The following C3orf33 variants were observed in gnomAD, a reference collection of about 807,000 sequenced individuals.
The protein encoded by C3orf33 is AP-1 activity suppressor.
C3orf33 carries 23 observed loss-of-function variants against 28.7 expected under a neutral mutation model. That is an observed-to-expected ratio of 0.80 (90% CI 0.58 to 1.13). C3orf33 has a LOEUF of 1.13. C3orf33 is among the 50% of genes most tolerant of loss of function. C3orf33 has a pLI of 0.00. For synonymous variants in C3orf33, 119 were observed against 120.5 expected (o/e 0.99, Z 0.08); for missense variants, 327 against 353.4 (o/e 0.93, Z 0.60).
At chr3:155,769,485 CAAA>C (rs59639224) in intron 3 of C3orf33, among the ~76,000 whole-genome samples, 24 of 84,338 alleles carry the variant, frequency 2.8e-4, no homozygotes, top group East Asian at 1.1e-3. Context: ...GAGACTGTTT[CAAA>C]AAAAAAAAAA....
intron 2 of C3orf33, among the ~76,000 whole-genome samples, chr3:155,799,232 A>G (rs1484998586): frequency 6.6e-6 from 1 of 152,234 alleles, no homozygotes; most frequent in African/African-American, 2.4e-5. Flanking sequence ...AAAACTAAAA[A>G]TAGAAGTACC....
At position 155,772,848 on chromosome 3, in the gene C3orf33, G is replaced by A. The variant is rs144544645; in HGVS notation, c.322+2853C>T. On this transcript the variant is annotated intron_variant, in intron 3 of 4. Coordinates refer to ENST00000340171, the MANE Select transcript of C3orf33 (RefSeq NM_001308229.2). ...CATACATACCAAAAATAAGACAGCC[G>A]AAGGGATAGGTGGCACAGAATTGTC... Among the ~76,000 whole-genome samples the A allele has an allele frequency of 4.1e-3, 603 of 147,126 alleles. 5 individuals are homozygous for A. The highest frequency in any genetic ancestry group is 0.014 in the African/African-American group (560 of 40,252).
intron 2 of C3orf33, among the ~76,000 whole-genome samples, chr3:155,777,595 C>T (rs534965346): frequency 6.6e-6 from 1 of 151,926 alleles, no homozygotes; most frequent in African/African-American, 2.4e-5. Context: ...CACCACTACA[C>T]CTGGTTAATT....
chr3:155,764,913 T>A (rs985368426), intron 4 of C3orf33, among the ~76,000 whole-genome samples: 2 of 152,200 alleles, frequency 1.3e-5, no homozygotes, highest in African/African-American at 4.8e-5. Context: ...ACAATCCTTG[T>A]GGGATTTTAA....
chr3:155,797,941 C>G (rs183506999), intron 2 of C3orf33, among the ~76,000 whole-genome samples: 22 of 152,024 alleles, frequency 1.4e-4, no homozygotes, highest in Admixed American at 4.6e-4. Flanking sequence ...CATGGTGGCA[C>G]ATGCCTGTAA....
At chr3:155,793,720 G>A (rs1199377888) in intron 2 of C3orf33, among the ~76,000 whole-genome samples, 1 of 143,892 alleles carries the variant, frequency 6.9e-6, no homozygotes, top group Non-Finnish European at 1.5e-5. Flanking sequence ...TAAGGCAGGA[G>A]AATCTCTTGA....
chr3:155,788,607 G>A (rs1397751493), intron 2 of C3orf33, among the ~76,000 whole-genome samples: 5 of 151,408 alleles, frequency 3.3e-5, no homozygotes, highest in Admixed American at 1.3e-4. Context: ...GCTTGAACCC[G>A]GGATGCAGAG....
At chr3:155,778,744 T>C (rs367997848) in intron 2 of C3orf33, among the ~76,000 whole-genome samples, 27 of 152,342 alleles carry the variant, frequency 1.8e-4, no homozygotes, top group African/African-American at 6.5e-4. Flanking sequence ...CATAGTCAGA[T>C]GGTTCCCAAC....
intron 2 of C3orf33, among the ~76,000 whole-genome samples, chr3:155,787,761 A>G (rs1577428459): frequency 6.7e-6 from 1 of 148,578 alleles, no homozygotes; most frequent in Non-Finnish European, 1.5e-5. Flanking sequence ...TGATCCTCCC[A>G]CCTCAGCCTC....
rs1342103258 is a variant in C3orf33, at chr3:155,762,840, G to C, written c.*677C>G. ...ACCAAGATAACGCCACTGCACTCCTGCCTGGGTGACAAGAGCGAAACTCCA... is the reference window on the plus strand; with the variant it reads ...ACCAAGATAACGCCACTGCACTCCTCCCTGGGTGACAAGAGCGAAACTCCA... On this transcript the variant is annotated 3_prime_UTR_variant, in exon 5 of 5. Coordinates refer to ENST00000340171, the MANE Select transcript of C3orf33 (RefSeq NM_001308229.2). The C allele has an allele frequency of 6.6e-6, 1 of 152,036 alleles. No homozygotes were observed. The highest frequency in any genetic ancestry group is 1.5e-5 in the Non-Finnish European group (1 of 68,042). The allele number at this position is 152,036 out of a possible 1,614,324, so 9.4% of individuals were successfully genotyped here.
intron 3 of C3orf33, among the ~76,000 whole-genome samples, chr3:155,770,201 T>G (rs781411145): frequency 6.6e-6 from 1 of 152,130 alleles, no homozygotes; most frequent in East Asian, 1.9e-4. Flanking sequence ...CCACCAGTGA[T>G]CAGCTAACCT....
At chr3:155,786,257 G>A (rs1245569549) in intron 2 of C3orf33, among the ~76,000 whole-genome samples, 1 of 151,164 alleles carries the variant, frequency 6.6e-6, no homozygotes, top group Non-Finnish European at 1.5e-5. Context: ...GCAGAAGAAA[G>A]GAAATACTAA....
chr3:155,806,018 C>T, intron 1 of C3orf33, 121 bp downstream of exon 1: 1 of 644,382 alleles, frequency 1.6e-6, no homozygotes, highest in Non-Finnish European at 2.4e-6. Flanking sequence ...GCTCATTCCC[C>T]CGCAGTTTTC....
At chr3:155,805,561 C>G (rs1311970271) in intron 1 of C3orf33, 3 of 438,120 alleles carry the variant, frequency 6.8e-6, no homozygotes, top group African/African-American at 4.5e-5. Context: ...GTCTCTAACT[C>G]TAAAAGAAAG....
intron 3 of C3orf33, among the ~76,000 whole-genome samples, chr3:155,771,117 G>C (rs1750578659): frequency 6.7e-6 from 1 of 150,230 alleles, no homozygotes; most frequent in Non-Finnish European, 1.5e-5. Context: ...TGTGTATGTG[G>C]TGTGTGGAGA....
intron 3 of C3orf33, among the ~76,000 whole-genome samples, chr3:155,773,972 T>A (rs1048042009): frequency 6.6e-6 from 1 of 152,242 alleles, no homozygotes; most frequent in South Asian, 2.1e-4. Context: ...GTATCAAGTA[T>A]GTTTGGGGGG....
chr3:155,772,511 A>T (rs942727175), intron 3 of C3orf33, among the ~76,000 whole-genome samples: 6 of 152,116 alleles, frequency 3.9e-5, no homozygotes, highest in African/African-American at 1.4e-4. Flanking sequence ...ATTCATGACA[A>T]TGTACAACTT....
At chr3:155,795,316 C>T (rs1011148887) in intron 2 of C3orf33, among the ~76,000 whole-genome samples, 6 of 151,668 alleles carry the variant, frequency 4.0e-5, no homozygotes, top group African/African-American at 7.3e-5. Context: ...ATTAGCCAGA[C>T]GTGGTGGTGC....
intron 4 of C3orf33, among the ~76,000 whole-genome samples, chr3:155,765,025 A>G (rs1305007322): frequency 6.6e-6 from 1 of 152,224 alleles, no homozygotes; most frequent in Non-Finnish European, 1.5e-5. Flanking sequence ...AAATCTTTCA[A>G]ATCTTATAAG....
Sources: gnomAD v4.1 joint callset for allele counts (sites outside exome capture counted in the v4.1 genomes callset) on GRCh38, gnomAD v4.1.1 for gene constraint, MANE v1.5 for transcripts, NCBI Gene and HGNC (gene_info 2026-07-23, HGNC 2026-07-21) for gene names.